Variants in C12orf42 observed in about 807,000 individuals in gnomAD.
The protein encoded by C12orf42 is chromosome 12 open reading frame 42.
In C12orf42, 25 loss-of-function variants were observed where a neutral mutation model predicts 21.6. That is an observed-to-expected ratio of 1.16 (90% CI 0.84 to 1.62). The LOEUF (loss-of-function observed/expected upper bound fraction) is 1.62. Ranked by LOEUF, C12orf42 falls within the 40% of genes most tolerant of loss-of-function variation. The pLI is 0.00. For synonymous variants in C12orf42, 174 were observed against 175.0 expected (o/e 0.99, Z 0.05); for missense variants, 483 against 459.3 (o/e 1.05, Z -0.47).
At chr12:103,495,724 C>G (rs1955505548) in intron 1 of C12orf42, 178 bp downstream of exon 1, 1 of 146,466 alleles carries the variant, frequency 6.8e-6, no homozygotes. Flanking sequence ...CGGGTCGACC[C>G]GCTCGGGGGC....
chr12:103,413,223 T>A (rs1303993334), intron 2 of C12orf42, among the ~76,000 whole-genome samples: 2 of 152,200 alleles, frequency 1.3e-5, no homozygotes, highest in Non-Finnish European at 2.9e-5. Context: ...CTTTCCCCAT[T>A]GCTTCTTTGT....
chr12:103,220,057 T>C, the C12orf42 span, among the ~76,000 whole-genome samples: 1 of 152,196 alleles, frequency 6.6e-6, no homozygotes, highest in Non-Finnish European at 1.5e-5. Context: ...GTGGCACATA[T>C]ACATCATGGA....
At chr12:103,147,178 GC>G in the C12orf42 span, among the ~76,000 whole-genome samples, 4 of 152,078 alleles carry the variant, frequency 2.6e-5, no homozygotes, top group South Asian at 8.3e-4. Flanking sequence ...AGACAAGGAG[GC>G]CTATAAAAAT....
intron 1 of C12orf42, among the ~76,000 whole-genome samples, chr12:103,479,425 A>G (rs538035837): frequency 6.6e-6 from 1 of 152,266 alleles, no homozygotes. Flanking sequence ...GGTGATATCA[A>G]CAGGTCAGTA....
intron 4 of C12orf42, among the ~76,000 whole-genome samples, chr12:103,332,732 G>C (rs1236868208): frequency 6.6e-6 from 1 of 152,244 alleles, no homozygotes; most frequent in African/African-American, 2.4e-5. Flanking sequence ...GCTGGTACCT[G>C]TGAATGTGAC....
At chr12:103,258,555 C>A (rs2034730509) in intron 10 of C12orf42, among the ~76,000 whole-genome samples, 3 of 150,854 alleles carry the variant, frequency 2.0e-5, no homozygotes, top group Non-Finnish European at 3.0e-5. Flanking sequence ...ATAGAGAAAT[C>A]AAAAAATAAG....
Position 103,386,410 on chromosome 12 carries a change from T to C in C12orf42, c.147+15197A>G, listed in dbSNP as rs74943033. Reference sequence around the variant, plus strand: ...CTTATCAGTACCCTTCTTGCTCTGATTCCCAGTTATCTCCAGCTGAATAAC... The same window carrying C: ...CTTATCAGTACCCTTCTTGCTCTGACTCCCAGTTATCTCCAGCTGAATAAC... On this transcript the variant is annotated intron_variant, in intron 3 of 5. Coordinates refer to ENST00000548883, the MANE Select transcript of C12orf42 (RefSeq NM_198521.5). 9.0e-3 allele frequency among the ~76,000 whole-genome samples: 1,365 copies of C among 152,204 alleles called. 104 individuals carry two copies. The East Asian group carries it at 0.18, about 20-fold the overall frequency.
At chr12:103,224,376 C>T in the C12orf42 span, among the ~76,000 whole-genome samples, 1 of 152,078 alleles carries the variant, frequency 6.6e-6, no homozygotes, top group Non-Finnish European at 1.5e-5. Context: ...GTGGCTTGTA[C>T]TATAGCATAA....
intron 2 of C12orf42, among the ~76,000 whole-genome samples, chr12:103,474,136 C>T (rs1446980283): frequency 6.6e-6 from 1 of 152,086 alleles, no homozygotes; most frequent in African/African-American, 2.4e-5. Context: ...CAGCCAGAAA[C>T]TAAAATTGTT....
Position 103,306,319 on chromosome 12 carries a change from T to C in C12orf42, c.286A>G (p.Met96Val), listed in dbSNP as rs769552310. The C allele has an allele frequency of 1.2e-6, 2 of 1,608,418 alleles. No homozygotes were observed. The highest frequency in any genetic ancestry group is 2.2e-5 in the East Asian group (1 of 44,802). ...GTATGAAGTAGTCTTTTACACGCCA[T>C]TGAATTTTGAGTCCTTTCTGGAAAT... ...PVFPERTQNSMACKRLLHTCQ... is the reference protein window; with the variant it reads ...PVFPERTQNSVACKRLLHTCQ... Residue 96 changes from methionine to valine, a missense_variant, in exon 5 of 6, where the codon ATG becomes GTG. Transcript: ENST00000548883.
chr12:103,562,730 G>A, the C12orf42 span, among the ~76,000 whole-genome samples: 1 of 152,282 alleles, frequency 6.6e-6, no homozygotes, highest in African/African-American at 2.4e-5. Flanking sequence ...GACTCAGCAA[G>A]CCCACATCAG....
rs192276211 is a variant in C12orf42, at chr12:103,254,056, G to C, written c.*1366+9270C>G. Among the ~76,000 whole-genome samples the C allele has an allele frequency of 1.3e-3, 193 of 152,136 alleles. 2 individuals carry two copies. Among genetic ancestry groups the C allele is most frequent in the Non-Finnish European group, 2.4e-3 (162 of 67,970 alleles). On this transcript the variant is annotated intron_variant and NMD_transcript_variant, in intron 10 of 10. Coordinates refer to the C12orf42 transcript ENST00000547347. ...TTTGTCATGAATTATTTGCCCATGCGTATGTCCTGAATGGTATTCCCTAGA... is the reference window on the plus strand; with the variant it reads ...TTTGTCATGAATTATTTGCCCATGCCTATGTCCTGAATGGTATTCCCTAGA...
At chr12:103,341,466 C>A (rs1040023647) in intron 4 of C12orf42, among the ~76,000 whole-genome samples, 2 of 152,006 alleles carry the variant, frequency 1.3e-5, no homozygotes, top group Non-Finnish European at 2.9e-5. Context: ...AACCCCAAAG[C>A]ACCACTGAAA....
At chr12:103,353,955 G>A (rs1566136346) in intron 4 of C12orf42, among the ~76,000 whole-genome samples, 1 of 152,118 alleles carries the variant, frequency 6.6e-6, no homozygotes, top group Admixed American at 6.5e-5. Context: ...GGGAATCAGA[G>A]AGAGAGAGTT....
the C12orf42 span, among the ~76,000 whole-genome samples, chr12:103,228,000 G>A: frequency 1.3e-5 from 2 of 152,176 alleles, no homozygotes; most frequent in African/African-American, 2.4e-5. Flanking sequence ...TGGTCGGTCT[G>A]AGGACTTGAG....
At chr12:103,081,311 A>G in the C12orf42 span, 2 of 152,202 alleles carry the variant, frequency 1.3e-5, no homozygotes, top group South Asian at 4.1e-4. Context: ...TATAGATTTA[A>G]TCTTCTCGAA....
chr12:103,243,402 A>G (rs896266531), intron 10 of C12orf42, among the ~76,000 whole-genome samples: 1 of 152,098 alleles, frequency 6.6e-6, no homozygotes, highest in Non-Finnish European at 1.5e-5. Context: ...AGTTGACAAC[A>G]TTCCCATGCT....
the C12orf42 span, among the ~76,000 whole-genome samples, chr12:103,068,816 T>C: frequency 6.7e-6 from 1 of 149,876 alleles, no homozygotes; most frequent in African/African-American, 2.5e-5. Context: ...AGCTTGCAGA[T>C]GGCCTATTAT....
chr12:103,174,834 T>C, the C12orf42 span, among the ~76,000 whole-genome samples: 5 of 152,158 alleles, frequency 3.3e-5, no homozygotes, highest in Non-Finnish European at 7.4e-5. Context: ...TCTCACCAAG[T>C]GATGTCAAAG....
Sources: gnomAD v4.1 joint callset for allele counts (sites outside exome capture counted in the v4.1 genomes callset) on GRCh38, gnomAD v4.1.1 for gene constraint, MANE v1.5 for transcripts, NCBI Gene and HGNC (gene_info 2026-07-23, HGNC 2026-07-21) for gene names.